Variants in ZNF383 observed in about 807,000 individuals in gnomAD.
ZNF383 encodes the protein zinc finger protein 383.
ZNF383 carries 32 observed loss-of-function variants against 44.2 expected under a neutral mutation model. That is an observed-to-expected ratio of 0.72 (90% CI 0.55 to 0.97). The LOEUF (loss-of-function observed/expected upper bound fraction) is 0.97. Among genes scored for constraint, ZNF383 ranks in the 50% least tolerant of loss-of-function variants. ZNF383 has a pLI of 0.00. For missense variants in ZNF383, 487 were observed against 562.5 expected, an observed-to-expected ratio of 0.87 and a Z score of 1.36; for synonymous variants, 155 against 186.2, an observed-to-expected ratio of 0.83 and a Z score of 1.36.
intron 3 of ZNF383, among the ~76,000 whole-genome samples, chr19:37,231,748 C>T (rs1156854852): frequency 6.6e-6 from 1 of 152,084 alleles, no homozygotes; most frequent in African/African-American, 2.4e-5. Flanking sequence ...AATAGTCTTC[C>T]TGCATAGGAC....
chr19:37,244,766 A>G lies in ZNF383; in HGVS notation c.*1102A>G, dbSNP rs2145553029. The stretch of plus-strand genomic sequence containing the variant: ...AACTAAAAAGCCAAAATTAATTGTA[A>G]TCATACTTATAGATGGCTGCTCTCA... On this transcript the variant is annotated 3_prime_UTR_variant, in exon 6 of 6. Coordinates refer to ENST00000684119, the MANE Select transcript of ZNF383 (RefSeq NM_001387601.1). 6.6e-6 allele frequency: 1 copy of G among 152,340 alleles called. No homozygotes were observed. Among genetic ancestry groups the G allele is most frequent in the South Asian group, 2.1e-4 (1 of 4,832 alleles). 9.4% of individuals were successfully genotyped at this position (152,340 alleles called of 1,614,324 possible). A position where few individuals can be genotyped will look rare whatever the true frequency, so the allele number is the denominator to read the frequency against.
rs1759632010 is a variant in ZNF383 at position 37,224,914 on chromosome 19, A to AG, written c.-70dup. Reference sequence around the variant, plus strand: ...CGGGTTCAAGCGATTCTCTTGCCTCAGCCTCCTGAGTAGCTGGGATTACAG... The same window carrying AG: ...CGGGTTCAAGCGATTCTCTTGCCTCAGGCCTCCTGAGTAGCTGGGATTACAG... On this transcript the variant is annotated 5_prime_UTR_variant, in exon 2 of 6. An upstream open reading frame in the 5' UTR loses its in-frame stop. Coordinates refer to ENST00000684119, the MANE Select transcript of ZNF383 (RefSeq NM_001387601.1). 6.6e-6 allele frequency: 1 copy of AG among 152,146 alleles called. No homozygotes were observed. The highest frequency in any genetic ancestry group is 2.4e-5 in the African/African-American group (1 of 41,260). 9.4% of individuals were successfully genotyped at this position (152,146 alleles called of 1,614,324 possible). A position where few individuals can be genotyped will look rare whatever the true frequency, so the allele number is the denominator to read the frequency against.
chr19:37,226,034 C>G (rs112160287), intron 2 of ZNF383, among the ~76,000 whole-genome samples: 1 of 151,006 alleles, frequency 6.6e-6, no homozygotes, highest in Non-Finnish European at 1.5e-5. Context: ...CTCCTGACCT[C>G]GTAAAATATT....
intron 2 of ZNF383, among the ~76,000 whole-genome samples, chr19:37,229,966 C>T (rs1468135523): frequency 1.3e-5 from 2 of 151,658 alleles, no homozygotes; most frequent in African/African-American, 4.8e-5. Context: ...TTTGGTCTTT[C>T]TGATCTGAGT....
At position 37,239,085 on chromosome 19, in the gene ZNF383, C is replaced by G. The variant is rs910649850; in HGVS notation, c.232+3011C>G. Among the ~76,000 whole-genome samples, 6 of 152,192 alleles carry G rather than the reference C, an allele frequency of 3.9e-5. 1 individual carries two copies. The highest frequency in any genetic ancestry group is 3.4e-3 in the Middle Eastern group (1 of 294). On this transcript the variant is annotated intron_variant, in intron 5 of 5. Transcript: ENST00000684119. ...TAGGCGCCTGCCACTGCGCCCGGCTCATTTTTGTATTTTTAGTAGAGATGG... is the reference window on the plus strand; with the variant it reads ...TAGGCGCCTGCCACTGCGCCCGGCTGATTTTTGTATTTTTAGTAGAGATGG...
chr19:37,232,385 G>A (rs577156938), intron 3 of ZNF383, among the ~76,000 whole-genome samples: 93 of 151,978 alleles, frequency 6.1e-4, no homozygotes, highest in African/African-American at 2.1e-3. Flanking sequence ...TTTTTTTCAC[G>A]TAGGTCTATA....
chr19:37,230,467 G>C lies in ZNF383; in HGVS notation c.9+5G>C. 6.2e-7 allele frequency: 1 copy of C among 1,611,832 alleles called. No individual in the cohort carries two copies. The highest frequency in any genetic ancestry group is 8.5e-7 in the Non-Finnish European group (1 of 1,179,236). On this transcript the variant is annotated splice_donor_5th_base_variant and intron_variant, in intron 3 of 5. Coordinates refer to ENST00000684119, the MANE Select transcript of ZNF383 (RefSeq NM_001387601.1). ...ATACTAGAAGCCATGGCTGAGGTGA[G>C]TTGATGCTTTTTCTTGCCTTCCTGA...
chr19:37,231,680 C>T (rs1973492397), intron 3 of ZNF383, among the ~76,000 whole-genome samples: 1 of 152,116 alleles, frequency 6.6e-6, no homozygotes, highest in Non-Finnish European at 1.5e-5. Flanking sequence ...CAGGCACAAG[C>T]AAACTGATTA....
At chr19:37,235,407 C>G in intron 3 of ZNF383, 142 bp from the exon 4 acceptor site, 1 of 782,226 alleles carries the variant, frequency 1.3e-6, no homozygotes. Flanking sequence ...CCTACTCTTG[C>G]ATCTATTTCT....
chr19:37,232,423 C>G (rs748831299), intron 3 of ZNF383, among the ~76,000 whole-genome samples: 14 of 151,948 alleles, frequency 9.2e-5, no homozygotes, highest in Non-Finnish European at 2.1e-4. Flanking sequence ...AGAGAATTAC[C>G]TCATCTTATT....
chr19:37,222,414 T>G (rs955187031), intron 1 of ZNF383, among the ~76,000 whole-genome samples: 19 of 152,188 alleles, frequency 1.2e-4, no homozygotes, highest in Non-Finnish European at 2.5e-4. Flanking sequence ...TTCGCTCTTG[T>G]TGCCCAAGGT....
chr19:37,226,627 C>T (rs1450753656), intron 2 of ZNF383: 1 of 152,088 alleles, frequency 6.6e-6, no homozygotes, highest in Non-Finnish European at 1.5e-5. Context: ...TTTAAGTTTC[C>T]TAAGCTGTTG....
Position 37,235,617 on chromosome 19 carries a change from T to C in ZNF383, c.78T>C (p.Val26=). Residue 26 remains valine, a synonymous_variant, in exon 4 of 6, where the codon GTT becomes GTC. Transcript: ENST00000684119. ...AGGAGTGGGACTGCCTGGACCCTGT[T>C]CAGAGGGACTTATACAGAGATGTGA... ...SQEEWDCLDP[V]QRDLYRDVML... The C allele has an allele frequency of 6.2e-7, 1 of 1,614,040 alleles. No individual in the cohort carries two copies. Among genetic ancestry groups the C allele is most frequent in the Non-Finnish European group, 8.5e-7 (1 of 1,179,970 alleles).
At chr19:37,219,557 C>A in intron 1 of ZNF383, 1 of 153,344 alleles carries the variant, frequency 6.5e-6, no homozygotes, top group Non-Finnish European at 1.5e-5. Context: ...GCCGGGCCGC[C>A]TACACTTCTC....
At chr19:37,227,953 C>T (rs939697763) in intron 2 of ZNF383, among the ~76,000 whole-genome samples, 1 of 152,188 alleles carries the variant, frequency 6.6e-6, no homozygotes. Flanking sequence ...AACATGAAAG[C>T]GGACCAGGAG....
Position 37,244,787 on chromosome 19 carries a change from T to C in ZNF383, c.*1123T>C, listed in dbSNP as rs1350928963. 3 of 152,224 alleles carry C rather than the reference T, an allele frequency of 2.0e-5. No homozygotes were observed. 9.4% of individuals were successfully genotyped at this position (152,224 alleles called of 1,614,324 possible). A position where few individuals can be genotyped will look rare whatever the true frequency, so the allele number is the denominator to read the frequency against. On this transcript the variant is annotated 3_prime_UTR_variant, in exon 6 of 6. Transcript: ENST00000684119. ...TGTAATCATACTTATAGATGGCTGCTCTCAATTTGGTAGAGAAAATCGTGC... is the reference window on the plus strand; with the variant it reads ...TGTAATCATACTTATAGATGGCTGCCCTCAATTTGGTAGAGAAAATCGTGC...
chr19:37,240,073 C>T (rs1266590524), intron 5 of ZNF383, among the ~76,000 whole-genome samples: 2 of 151,676 alleles, frequency 1.3e-5, no homozygotes, highest in Admixed American at 6.6e-5. Context: ...GCAGGGGAAT[C>T]GCTTGAACCC....
chr19:37,226,261 C>T (rs1336049978), intron 2 of ZNF383, among the ~76,000 whole-genome samples: 2 of 152,020 alleles, frequency 1.3e-5, no homozygotes, highest in Non-Finnish European at 2.9e-5. Flanking sequence ...ATTTCCCATA[C>T]ACGTCTTTCC....
At chr19:37,235,702 C>A in intron 4 of ZNF383, 27 bp downstream of exon 4, 1 of 1,561,056 alleles carries the variant, frequency 6.4e-7, no homozygotes, top group Admixed American at 2.0e-5. Context: ...CAGTGATTCC[C>A]AGTTCTCCTC....
Sources: allele counts gnomAD v4.1 joint callset (sites outside exome capture counted in the v4.1 genomes callset), GRCh38; gene constraint gnomAD v4.1.1; transcripts MANE v1.5; gene names NCBI Gene and HGNC (gene_info 2026-07-23, HGNC 2026-07-21).